The following UNC45B variants were observed in gnomAD, a reference collection of about 807,000 sequenced individuals.
UNC45B encodes the protein protein unc-45 homolog B.
UNC45B carries 78 observed loss-of-function variants against 98.7 expected under a neutral mutation model. The observed-to-expected ratio is 0.79, with a 90% CI of 0.66 to 0.95. The LOEUF is 0.95. Ranked by LOEUF, UNC45B falls within the 40% of genes least tolerant of loss-of-function variation. UNC45B has a pLI of 0.00. For synonymous variants in UNC45B, 462 were observed against 480.4 expected (o/e 0.96, Z 0.50); for missense variants, 1,225 against 1,184.9 (o/e 1.03, Z -0.50).
At position 35,164,163 on chromosome 17, in the gene UNC45B, T is replaced by C. The variant is rs780890443; in HGVS notation, c.1148T>C (p.Ile383Thr). Reference protein sequence around the residue: ...DHFRKICEEYITGKFDPQDMD... With the variant: ...DHFRKICEEYTTGKFDPQDMD... ...TTCCGCAAGATCTGTGAGGAATATA[T>C]CACGTAAGTTTCCTGGAGGCCTCAC... Residue 383 changes from isoleucine to threonine, a missense_variant, in exon 9 of 20, where the codon ATC becomes ACC. Physicochemically the swap from Ile to Thr is moderately conservative, Grantham distance 89. Transcript: ENST00000394570. The C allele has an allele frequency of 6.2e-7, 1 of 1,607,876 alleles. No individual in the cohort carries two copies. Among genetic ancestry groups the C allele is most frequent in the Admixed American group, 1.7e-5 (1 of 59,182 alleles).
chr17:35,182,648 C>G (rs1490619355), intron 18 of UNC45B, among the ~76,000 whole-genome samples: 1 of 152,108 alleles, frequency 6.6e-6, no homozygotes, highest in Non-Finnish European at 1.5e-5. Flanking sequence ...GGGGGCCATG[C>G]TGACCCCTCT....
intron 18 of UNC45B, among the ~76,000 whole-genome samples, 200 bp downstream of exon 18, chr17:35,180,876 A>T (rs1348623720): frequency 1.3e-5 from 2 of 152,168 alleles, no homozygotes; most frequent in Non-Finnish European, 2.9e-5. Context: ...ATATGCATAA[A>T]GGAAAAAATA....
rs144405707 is a variant in UNC45B at position 35,168,298 on chromosome 17, G to A, written c.1389G>A (p.Val463=). The change falls in exon 10 of 20, where the codon GTG becomes GTA. Residue 463 remains valine (V), a synonymous_variant. Transcript: ENST00000394570. ...SRATFIITNG[V]SLLKQIYKTT... ...CCACCTTCATCATCACCAATGGAGTGTCACTGCTCAAACAGATCTACAAGA... is the reference window on the plus strand; with the variant it reads ...CCACCTTCATCATCACCAATGGAGTATCACTGCTCAAACAGATCTACAAGA... 3.8e-4 allele frequency: 560 copies of A among 1,471,070 alleles called. No individual in the cohort carries two copies. The highest frequency in any genetic ancestry group is 4.8e-4 in the Non-Finnish European group (529 of 1,104,606). The allele number at this position is 1,471,070 out of a possible 1,614,324, so 91.1% of individuals were successfully genotyped here. A position where few individuals can be genotyped will look rare whatever the true frequency, so the allele number is the denominator to read the frequency against.
chr17:35,151,927 G>A (rs1306481181), intron 4 of UNC45B, among the ~76,000 whole-genome samples: 2 of 151,318 alleles, frequency 1.3e-5, no homozygotes, highest in African/African-American at 2.4e-5. Context: ...AGGGAGAGAC[G>A]CTGTTCCTAC....
At position 35,164,120 on chromosome 17, in the gene UNC45B, G is replaced by T. The variant is rs777712664; in HGVS notation, c.1105G>T (p.Asp369Tyr). The T allele has an allele frequency of 1.2e-6, 2 of 1,613,692 alleles. No homozygotes were observed. The highest frequency in any genetic ancestry group is 1.7e-6 in the Non-Finnish European group (2 of 1,179,824). The change falls in exon 9 of 20, where the codon GAC becomes TAC. Residue 369 changes from aspartate (D) to tyrosine (Y), a missense_variant. By Grantham distance (160) the Asp-to-Tyr change is radical. Coordinates refer to ENST00000394570, the MANE Select transcript of UNC45B (RefSeq NM_001267052.2). The part of the protein sequence containing the change: ...INKLYDDLRC[D>Y]PERDHFRKIC... ...CAAGCTCTATGATGACCTGCGCTGT[G>T]ACCCGGAGCGCGATCACTTCCGCAA... is the stretch of plus-strand genomic sequence containing the variant.
rs893542394 is a variant in UNC45B, at chr17:35,187,720, A to G, written c.*1161A>G. On this transcript the variant is annotated 3_prime_UTR_variant, in exon 20 of 20. Coordinates refer to ENST00000394570, the MANE Select transcript of UNC45B (RefSeq NM_001267052.2). ...ATGTACCCTGGGCAGATCAAAGAAC[A>G]TATTCTGTATGTCAGGCTTGGCCAC... The G allele has an allele frequency of 6.6e-6, 1 of 152,242 alleles. No individual in the cohort carries two copies. Among genetic ancestry groups the G allele is most frequent in the African/African-American group, 2.4e-5 (1 of 41,462 alleles). The allele number at this position is 152,242 out of a possible 1,614,324, so 9.4% of individuals were successfully genotyped here.
intron 17 of UNC45B, among the ~76,000 whole-genome samples, chr17:35,178,161 A>G (rs1322247189): frequency 6.6e-6 from 1 of 152,172 alleles, no homozygotes; most frequent in Non-Finnish European, 1.5e-5. Context: ...TGGTCTCCCA[A>G]AGTGCTTGGA....
At chr17:35,160,046 T>C (rs915502545) in intron 8 of UNC45B, among the ~76,000 whole-genome samples, 1 of 152,186 alleles carries the variant, frequency 6.6e-6, no homozygotes, top group African/African-American at 2.4e-5. Context: ...CAGTCTGTGG[T>C]CTGAGCCTTT....
intron 9 of UNC45B, among the ~76,000 whole-genome samples, chr17:35,165,167 G>C (rs999736747): frequency 1.3e-5 from 2 of 152,130 alleles, no homozygotes; most frequent in Non-Finnish European, 2.9e-5. Flanking sequence ...CCCAGCCATG[G>C]ACATATTTTA....
At position 35,170,079 on chromosome 17, in the gene UNC45B, G is replaced by A. The variant is rs749291832; in HGVS notation, c.1548-35G>A. The stretch of plus-strand genomic sequence containing the variant: ...CTTCACCCTCTTGACCTAGCCCTGG[G>A]CCCCTTCCCATGTGTGCTCCCTCCT... On this transcript the variant is annotated intron_variant, in intron 11 of 19. Coordinates refer to ENST00000394570, the MANE Select transcript of UNC45B (RefSeq NM_001267052.2). 17 of 1,601,642 alleles carry A rather than the reference G, an allele frequency of 1.1e-5. No individual in the cohort carries two copies. In the African/African-American group the frequency reaches 1.3e-4, roughly 13 times the overall value.
rs775254487 is a variant in UNC45B at position 35,159,460 on chromosome 17, G to A, written c.894G>A (p.Gln298=). The change falls in exon 8 of 20, where the codon CAG becomes CAA. Residue 298 remains glutamine, a synonymous_variant. Transcript: ENST00000394570. ...SKKVSGQGRD[Q]ALNLLNKNVP... is the part of the protein sequence containing the mutation. Reference sequence around the variant, plus strand: ...AGGTGTCTGGCCAGGGCAGGGATCAGGCGCTGAACCTGCTCAATAAGAATG... The same window carrying A: ...AGGTGTCTGGCCAGGGCAGGGATCAAGCGCTGAACCTGCTCAATAAGAATG... The A allele has an allele frequency of 1.9e-6, 3 of 1,614,166 alleles. No individual in the cohort carries two copies. Among genetic ancestry groups the A allele is most frequent in the Non-Finnish European group, 1.7e-6 (2 of 1,180,018 alleles).
chr17:35,169,751 C>A, intron 10 of UNC45B, 86 bp from the exon 11 acceptor site: 3 of 1,198,596 alleles, frequency 2.5e-6, no homozygotes, highest in Non-Finnish European at 3.7e-6. Context: ...GTGTTCTGGC[C>A]ATAGAAACCT....
At chr17:35,163,585 A>G (rs919400548) in intron 8 of UNC45B, among the ~76,000 whole-genome samples, 1 of 152,178 alleles carries the variant, frequency 6.6e-6, no homozygotes, top group Non-Finnish European at 1.5e-5. Context: ...GTTTCCATAC[A>G]TTATCTCATT....
chr17:35,148,927 T>C (rs1482630509), intron 2 of UNC45B, 46 bp from the exon 3 acceptor site: 3 of 1,611,636 alleles, frequency 1.9e-6, no homozygotes, highest in South Asian at 2.2e-5. Flanking sequence ...CATCTCTGCA[T>C]TGGGCCCACA....
Position 35,149,099 on chromosome 17 carries a change from C to G in UNC45B, c.205+90C>G, listed in dbSNP as rs577110242. On this transcript the variant is annotated intron_variant, in intron 3 of 19. Coordinates refer to ENST00000394570, the MANE Select transcript of UNC45B (RefSeq NM_001267052.2). ...CTAGTTACCATTTTGGGGGAAGAAACAGTGAGTATGGAGTGACTTCAGAAG... is the reference window on the plus strand; with the variant it reads ...CTAGTTACCATTTTGGGGGAAGAAAGAGTGAGTATGGAGTGACTTCAGAAG... 3 of 1,465,078 alleles carry G rather than the reference C, an allele frequency of 2.0e-6. No individual in the cohort carries two copies. The East Asian group carries it at 6.8e-5, about 33-fold the overall frequency. 90.8% of individuals were successfully genotyped at this position (1,465,078 alleles called of 1,614,324 possible).
chr17:35,186,248 TG>T (rs971615282), intron 19 of UNC45B, 50 bp from the exon 20 acceptor site: 32 of 1,598,254 alleles, frequency 2.0e-5, no homozygotes, highest in Non-Finnish European at 2.7e-5. Flanking sequence ...ACATGAACTC[TG>T]GGGACACACT....
At chr17:35,171,242 G>A (rs548730136) in intron 12 of UNC45B, 80 bp from the exon 13 acceptor site, 24 of 1,564,002 alleles carry the variant, frequency 1.5e-5, no homozygotes, top group Admixed American at 1.2e-4. Context: ...TGCCGGCCAC[G>A]TGAGGGAGCA....
At position 35,168,356 on chromosome 17, in the gene UNC45B, C is replaced by A; in HGVS notation, c.1447C>A (p.Leu483Met). ...AAATGAGAAGATCAAGATCCGCACACTGGTGGTGAGTGGGCTCGGTACCAC... is the reference window on the plus strand; with the variant it reads ...AAATGAGAAGATCAAGATCCGCACAATGGTGGTGAGTGGGCTCGGTACCAC... ...TKNEKIKIRT[L>M]VGLCKLGSAG... is the part of the protein sequence containing the mutation. Residue 483 changes from leucine (L) to methionine (M), a missense_variant, in exon 10 of 20, where the codon CTG (leucine) becomes ATG (methionine). By Grantham distance (15) the Leu-to-Met change is conservative (BLOSUM62 2). Transcript: ENST00000394570. 1 of 1,345,332 alleles carries A rather than the reference C, an allele frequency of 7.4e-7. No homozygotes were observed. The highest frequency in any genetic ancestry group is 9.6e-7 in the Non-Finnish European group (1 of 1,038,054). The allele number at this position is 1,345,332 out of a possible 1,614,324, so 83.3% of individuals were successfully genotyped here.
At chr17:35,170,945 C>T (rs2086591) in intron 12 of UNC45B, among the ~76,000 whole-genome samples, 114,658 of 152,000 alleles carry the variant, frequency 0.75, 43,377 homozygotes, top group East Asian at 0.91. Context: ...ACTCCCTGGC[C>T]CTTTTCTACC....
Sources: allele counts gnomAD v4.1 joint callset (sites outside exome capture counted in the v4.1 genomes callset), GRCh38; gene constraint gnomAD v4.1.1; transcripts MANE v1.5; gene names NCBI Gene and HGNC (gene_info 2026-07-23, HGNC 2026-07-21).